Variants in NFIC observed in about 807,000 individuals in gnomAD.
The protein encoded by NFIC is nuclear factor 1 C-type.
Under a neutral mutation model 54.4 loss-of-function variants are expected in NFIC, and 12 were observed. That is an observed-to-expected ratio of 0.22 (90% CI 0.14 to 0.36). The LOEUF (loss-of-function observed/expected upper bound fraction) is 0.36, where lower values mean the gene tolerates loss of function less well. Ranked by LOEUF, NFIC falls within the 10% of genes least tolerant of loss-of-function variation. The probability of loss-of-function intolerance (pLI) is 1.00; values close to 1 mark genes in which losing one functional copy is unlikely to be tolerated. For missense variants in NFIC, 575 were observed against 718.2 expected (o/e 0.80, Z 2.28); for synonymous variants, 322 against 319.2 (o/e 1.01, Z -0.09).
At chr19:3,393,448 T>C (rs1270550882) in intron 2 of NFIC, among the ~76,000 whole-genome samples, 1 of 152,084 alleles carries the variant, frequency 6.6e-6, no homozygotes, top group Non-Finnish European at 1.5e-5. Flanking sequence ...TAGAATTTCT[T>C]CCACTGGGGC....
intron 9 of NFIC, among the ~76,000 whole-genome samples, chr19:3,456,303 C>T (rs1051646229): frequency 1.3e-5 from 2 of 152,226 alleles, no homozygotes; most frequent in African/African-American, 2.4e-5. Context: ...ACACCCCGCC[C>T]ACCTGGGCGA....
chr19:3,429,551 G>A (rs1482369613), intron 3 of NFIC, among the ~76,000 whole-genome samples: 1 of 152,116 alleles, frequency 6.6e-6, no homozygotes, highest in Non-Finnish European at 1.5e-5. Context: ...TGATTGCACC[G>A]CTGCACTCGA....
intron 2 of NFIC, among the ~76,000 whole-genome samples, chr19:3,385,163 C>G (rs1410404520): frequency 6.6e-6 from 1 of 150,378 alleles, no homozygotes; most frequent in African/African-American, 2.5e-5. Context: ...TTGGCCCCAG[C>G]AGGCCACACC....
chr19:3,437,652 A>G (rs1407697477), intron 6 of NFIC, among the ~76,000 whole-genome samples: 3 of 151,450 alleles, frequency 2.0e-5, no homozygotes, highest in Non-Finnish European at 4.4e-5. Flanking sequence ...AAAAAAAGAA[A>G]AAAAAAGTCA....
intron 3 of NFIC, among the ~76,000 whole-genome samples, chr19:3,427,858 A>G (rs2082051667): frequency 6.8e-6 from 1 of 147,396 alleles, no homozygotes; most frequent in African/African-American, 2.5e-5. Flanking sequence ...GGAAAGAAAG[A>G]AAGAAAAGAA....
chr19:3,463,993 G>C lies in NFIC; in HGVS notation c.*1224G>C, dbSNP rs1051596325. 2.0e-6 allele frequency: 2 copies of C among 985,232 alleles called. No individual in the cohort carries two copies. Among genetic ancestry groups the C allele is most frequent in the South Asian group, 4.7e-5 (1 of 21,272 alleles). The allele number at this position is 985,232 out of a possible 1,614,324, so 61.0% of individuals were successfully genotyped here. ...GCTAGAGAGATGGGGCCCCTGCGTG[G>C]CCCGAGGGGCAGAGCTGGGCGTCAC... On this transcript the variant is annotated 3_prime_UTR_variant, in exon 11 of 11. Transcript: ENST00000443272.
Position 3,370,065 on chromosome 19 carries a change from G to A in NFIC, c.30+3399G>A, listed in dbSNP as rs2080971854. Reference sequence around the variant, plus strand: ...CCTGGGGATAGGTGGGGGTGGGGGAGGCAGCAGGGCCCAGGCCCAGTGTAG... The same window carrying A: ...CCTGGGGATAGGTGGGGGTGGGGGAAGCAGCAGGGCCCAGGCCCAGTGTAG... On this transcript the variant is annotated intron_variant, in intron 1 of 10. Transcript: ENST00000443272. The surrounding 1 kb of genome is among the most constrained non-coding windows in gnomAD (Gnocchi z 5.2). Among the ~76,000 whole-genome samples the A allele has an allele frequency of 6.6e-6, 1 of 152,184 alleles. No individual in the cohort carries two copies. The highest frequency in any genetic ancestry group is 2.4e-5 in the African/African-American group (1 of 41,442).
At chr19:3,413,457 G>A (rs973094632) in intron 2 of NFIC, among the ~76,000 whole-genome samples, 1 of 152,204 alleles carries the variant, frequency 6.6e-6, no homozygotes, top group African/African-American at 2.4e-5. Flanking sequence ...ACTACCAGCT[G>A]GTGTTCTGTG....
upstream of NFIC, among the ~76,000 whole-genome samples, chr19:3,361,638 A>G (rs866477040): frequency 6.6e-6 from 1 of 151,928 alleles, no homozygotes; most frequent in Non-Finnish European, 1.5e-5. Flanking sequence ...CCCTCCCACA[A>G]TGACACAGAG....
chr19:3,375,377 C>T lies in NFIC; in HGVS notation c.31-6335C>T, dbSNP rs1039850786. 1.3e-5 allele frequency among the ~76,000 whole-genome samples: 2 copies of T among 152,234 alleles called. No homozygotes were observed. Among genetic ancestry groups the T allele is most frequent in the African/African-American group, 4.8e-5 (2 of 41,468 alleles). ...CGCGTCCCACTGTGCCCCCCACCAC[C>T]CCCACTGCCCGGCTTCCCTGGCCAG... On this transcript the variant is annotated intron_variant, in intron 1 of 10. Coordinates refer to ENST00000443272, the MANE Select transcript of NFIC (RefSeq NM_001245002.2). This position sits in a 1 kb window ranked among gnomAD's most constrained non-coding sequence, Gnocchi z 4.6.
At chr19:3,392,495 G>T (rs1175587333) in intron 2 of NFIC, among the ~76,000 whole-genome samples, 1 of 152,254 alleles carries the variant, frequency 6.6e-6, no homozygotes, top group Admixed American at 6.5e-5. Context: ...GCAGAATGCT[G>T]GTTTCTGCAT....
At chr19:3,373,186 C>G (rs2081051913) in intron 1 of NFIC, among the ~76,000 whole-genome samples, 2 of 152,180 alleles carry the variant, frequency 1.3e-5, no homozygotes, top group Non-Finnish European at 1.5e-5. Flanking sequence ...AACGCTCAGC[C>G]TGTAAGAGGC....
At chr19:3,366,868 G>A (rs979121090) in intron 1 of NFIC, among the ~76,000 whole-genome samples, 6 of 150,988 alleles carry the variant, frequency 4.0e-5, no homozygotes, top group Non-Finnish European at 8.9e-5. Flanking sequence ...CTTACCTACC[G>A]CGGACCCCCT....
In NFIC at chr19:3,420,761, G is replaced by A. The variant is rs141496601; in HGVS notation, c.563-4345G>A. Reference sequence around the variant, plus strand: ...TTTTTTGAGATGGAGTCACTCTGTCGCCCAGACTAGAGTGCAATTGGCCCG... The same window carrying A: ...TTTTTTGAGATGGAGTCACTCTGTCACCCAGACTAGAGTGCAATTGGCCCG... On this transcript the variant is annotated intron_variant, in intron 2 of 10. Transcript: ENST00000443272. 6.4e-4 allele frequency among the ~76,000 whole-genome samples: 96 copies of A among 150,822 alleles called. 1 individual carries two copies. The South Asian group carries it at 0.012, about 19-fold the overall frequency.
In NFIC at chr19:3,380,093, C is replaced by T. The variant is rs372516648; in HGVS notation, c.31-1619C>T. 4.8e-4 allele frequency among the ~76,000 whole-genome samples: 73 copies of T among 151,564 alleles called. No individual in the cohort carries two copies. In the East Asian group the frequency reaches 8.8e-3, roughly 18 times the overall value. On this transcript the variant is annotated intron_variant, in intron 1 of 10. Transcript: ENST00000443272. ...TCGGCTCACTGCAAGCTCCGCCTCCCGGGTTCATGCCAATCTCCTGCCTCA... is the reference window on the plus strand; with the variant it reads ...TCGGCTCACTGCAAGCTCCGCCTCCTGGGTTCATGCCAATCTCCTGCCTCA...
intron 2 of NFIC, among the ~76,000 whole-genome samples, chr19:3,407,353 TCCAC>T (rs2081669528): frequency 2.6e-5 from 4 of 152,074 alleles, no homozygotes; most frequent in African/African-American, 9.7e-5. Flanking sequence ...GACCTCGTGA[TCCAC>T]CCGCCTCGGC....
At chr19:3,382,769 G>T (rs557403536) in intron 2 of NFIC, among the ~76,000 whole-genome samples, 2 of 149,146 alleles carry the variant, frequency 1.3e-5, no homozygotes, top group African/African-American at 2.5e-5. Flanking sequence ...GTGGTCTGAG[G>T]GGGGAGGCAG....
intron 2 of NFIC, among the ~76,000 whole-genome samples, chr19:3,384,391 T>C (rs1161573453): frequency 1.3e-5 from 2 of 151,596 alleles, no homozygotes; most frequent in Admixed American, 6.6e-5. Flanking sequence ...CTTTTTTTTT[T>C]TTCTTTCTTT....
chr19:3,437,781 T>G (rs1157941693), intron 6 of NFIC, among the ~76,000 whole-genome samples: 1 of 151,480 alleles, frequency 6.6e-6, no homozygotes, highest in Non-Finnish European at 1.5e-5. Flanking sequence ...TGGGTTCAAG[T>G]GATTCTCCTG....
Sources: allele counts gnomAD v4.1 joint callset (sites outside exome capture counted in the v4.1 genomes callset), GRCh38; gene constraint gnomAD v4.1.1; non-coding constraint Gnocchi (gnomAD v3.1); transcripts MANE v1.5; gene names NCBI Gene and HGNC (gene_info 2026-07-23, HGNC 2026-07-21).